The following KCNH7 variants were observed in gnomAD, a reference collection of about 807,000 sequenced individuals.
KCNH7 encodes the protein voltage-gated inwardly rectifying potassium channel KCNH7.
Under a neutral mutation model 120.8 loss-of-function variants are expected in KCNH7, and 49 were observed. The ratio of observed to expected loss-of-function variants is 0.41; its 90% confidence interval spans 0.32 to 0.51. The LOEUF (loss-of-function observed/expected upper bound fraction) is 0.51, where lower values mean the gene tolerates loss of function less well. KCNH7 is among the 20% of genes least tolerant of loss of function. KCNH7 has a pLI of 0.38. For missense variants in KCNH7, 1,097 were observed against 1,446.6 expected (o/e 0.76, Z 3.92); for synonymous variants, 547 against 516.1 (o/e 1.06, Z -0.81).
chr2:162,423,052 C>T (rs1687755532), intron 9 of KCNH7, among the ~76,000 whole-genome samples: 1 of 152,118 alleles, frequency 6.6e-6, no homozygotes, highest in Non-Finnish European at 1.5e-5. Flanking sequence ...ACCCAAGTCC[C>T]AGCTAAAGCA....
At chr2:162,781,091 A>C (rs1364703744) in intron 2 of KCNH7, among the ~76,000 whole-genome samples, 2 of 152,052 alleles carry the variant, frequency 1.3e-5, no homozygotes, top group Non-Finnish European at 2.9e-5. Flanking sequence ...TTTTAATTAT[A>C]TTTCTGAGGA....
chr2:162,562,662 T>G (rs1366266270), intron 2 of KCNH7, among the ~76,000 whole-genome samples: 1 of 152,072 alleles, frequency 6.6e-6, no homozygotes, highest in Admixed American at 6.6e-5. Context: ...AAGCTGAGGG[T>G]GTTGACAGGA....
At chr2:162,702,453 T>C (rs546189018) in intron 2 of KCNH7, among the ~76,000 whole-genome samples, 85 of 152,298 alleles carry the variant, frequency 5.6e-4, no homozygotes, top group Non-Finnish European at 9.4e-4. Flanking sequence ...GTTATCACTT[T>C]AATACAGTCA....
chr2:162,819,457 C>T (rs959917257), intron 2 of KCNH7, among the ~76,000 whole-genome samples: 5 of 152,114 alleles, frequency 3.3e-5, no homozygotes, highest in Non-Finnish European at 7.4e-5. Context: ...TAAACAATAG[C>T]TGAATCTACT....
At chr2:162,525,971 A>G (rs1691690443) in intron 3 of KCNH7, among the ~76,000 whole-genome samples, 2 of 151,510 alleles carry the variant, frequency 1.3e-5, no homozygotes. Flanking sequence ...ATTCAGCCAG[A>G]TATCGGGTGA....
At chr2:162,470,507 C>T (rs895471407) in intron 6 of KCNH7, among the ~76,000 whole-genome samples, 18 of 152,054 alleles carry the variant, frequency 1.2e-4, no homozygotes, top group East Asian at 9.7e-4. Flanking sequence ...GCCCCTCTGC[C>T]GGGCAGCCAC....
chr2:162,475,159 T>C (rs1219563189), intron 6 of KCNH7, among the ~76,000 whole-genome samples: 1 of 152,206 alleles, frequency 6.6e-6, no homozygotes, highest in Non-Finnish European at 1.5e-5. Flanking sequence ...TTATTATATA[T>C]ACTACAAGCC....
At chr2:162,807,595 A>C (rs1192625553) in intron 2 of KCNH7, among the ~76,000 whole-genome samples, 1 of 152,168 alleles carries the variant, frequency 6.6e-6, no homozygotes, top group Non-Finnish European at 1.5e-5. Flanking sequence ...TAATGACATG[A>C]AGTGGAAAAG....
intron 5 of KCNH7, among the ~76,000 whole-genome samples, chr2:162,509,743 G>C (rs1691002304): frequency 6.6e-6 from 1 of 151,538 alleles, no homozygotes; most frequent in Non-Finnish European, 1.5e-5. Flanking sequence ...GAAACAAGTT[G>C]TATTAGATTC....
At chr2:162,600,944 C>T (rs563416354) in intron 2 of KCNH7, among the ~76,000 whole-genome samples, 1 of 152,042 alleles carries the variant, frequency 6.6e-6, no homozygotes, top group Non-Finnish European at 1.5e-5. Flanking sequence ...GTAGTGATGT[C>T]TCCCATGGGG....
rs190588278 is a variant in KCNH7 at position 162,832,246 on chromosome 2, G to A, written c.307+4291C>T. Reference sequence around the variant, plus strand: ...TTACACACACATAAAATATATTTTTGTTCTTGTCTAAAAAGCTACCATCTG... The same window carrying A: ...TTACACACACATAAAATATATTTTTATTCTTGTCTAAAAAGCTACCATCTG... On this transcript the variant is annotated intron_variant, in intron 2 of 15. Transcript: ENST00000332142. Among the ~76,000 whole-genome samples the A allele has an allele frequency of 1.8e-3, 274 of 152,128 alleles. 2 individuals carry two copies. The highest frequency in any genetic ancestry group is 6.1e-3 in the African/African-American group (253 of 41,536).
chr2:162,561,585 C>T (rs1277641617), intron 2 of KCNH7, among the ~76,000 whole-genome samples: 1 of 152,174 alleles, frequency 6.6e-6, no homozygotes, highest in African/African-American at 2.4e-5. Flanking sequence ...GATTGCCATT[C>T]TAGCTGGCAT....
At chr2:162,396,139 C>T (rs1002322159) in intron 11 of KCNH7, among the ~76,000 whole-genome samples, 2 of 151,654 alleles carry the variant, frequency 1.3e-5, no homozygotes, top group East Asian at 1.9e-4. Context: ...GAGCTACACT[C>T]GAAGTTCATT....
intron 8 of KCNH7, 151 bp downstream of exon 8, chr2:162,435,047 G>T: frequency 1.4e-6 from 1 of 700,138 alleles, no homozygotes; most frequent in Non-Finnish European, 2.2e-6. Context: ...GAGAGAATCA[G>T]ATTTGATGGA....
intron 2 of KCNH7, among the ~76,000 whole-genome samples, chr2:162,666,135 T>C (rs907693392): frequency 6.6e-6 from 1 of 152,168 alleles, no homozygotes; most frequent in African/African-American, 2.4e-5. Context: ...CATTACCTTG[T>C]GCTCTAGAAG....
chr2:162,640,784 T>A (rs192162078), intron 2 of KCNH7, among the ~76,000 whole-genome samples: 1 of 152,138 alleles, frequency 6.6e-6, no homozygotes, highest in East Asian at 1.9e-4. Context: ...ACATACCCAG[T>A]AAAGGACTGG....
At chr2:162,603,078 A>G (rs1160630477) in intron 2 of KCNH7, among the ~76,000 whole-genome samples, 1 of 151,944 alleles carries the variant, frequency 6.6e-6, no homozygotes, top group Non-Finnish European at 1.5e-5. Context: ...AAACAGGTGA[A>G]GATTACGAGT....
At chr2:162,592,516 T>C (rs1252660995) in intron 2 of KCNH7, among the ~76,000 whole-genome samples, 2 of 152,000 alleles carry the variant, frequency 1.3e-5, no homozygotes, top group African/African-American at 4.8e-5. Context: ...CTATAGGCTA[T>C]GGGCAGGCAT....
At chr2:162,669,015 GA>G (rs1685245674) in intron 2 of KCNH7, among the ~76,000 whole-genome samples, 6 of 152,068 alleles carry the variant, frequency 3.9e-5, no homozygotes, top group Non-Finnish European at 7.4e-5. Flanking sequence ...GAAATGTAAC[GA>G]AAAGGCAGCC....
Sources: gnomAD v4.1 joint callset for allele counts (sites outside exome capture counted in the v4.1 genomes callset) on GRCh38, gnomAD v4.1.1 for gene constraint, MANE v1.5 for transcripts, NCBI Gene and HGNC (gene_info 2026-07-23, HGNC 2026-07-21) for gene names.